Variants in CCDC171 observed in about 807,000 individuals in gnomAD.
CCDC171 encodes the protein coiled-coil domain containing 171.
A neutral mutation model predicts 168.2 loss-of-function variants in CCDC171; 177 were observed. The observed-to-expected ratio is 1.05, with a 90% CI of 0.93 to 1.19. The LOEUF (loss-of-function observed/expected upper bound fraction) is 1.19. Among genes scored for constraint, CCDC171 ranks in the 50% most tolerant of loss-of-function variants. The probability of loss-of-function intolerance (pLI) is 0.00; values close to 1 mark genes in which losing one functional copy is unlikely to be tolerated. For missense variants in CCDC171, 1,991 were observed against 1,539.0 expected (o/e 1.29, Z -4.91); for synonymous variants, 687 against 540.8 (o/e 1.27, Z -3.75).
intron 21 of CCDC171, among the ~76,000 whole-genome samples, chr9:15,839,005 C>G (rs1434916051): frequency 6.6e-6 from 1 of 152,096 alleles, no homozygotes; most frequent in African/African-American, 2.4e-5. Context: ...AAGTCCATTG[C>G]TTTTTGAAAG....
intron 6 of CCDC171, among the ~76,000 whole-genome samples, chr9:15,608,941 T>C (rs2043430583): frequency 3.1e-5 from 1 of 32,168 alleles, no homozygotes; most frequent in Non-Finnish European, 5.8e-5. Flanking sequence ...CAAGACCCTG[T>C]CTCAAAAAAA....
upstream of CCDC171, among the ~76,000 whole-genome samples, chr9:16,042,055 A>G (rs1586854590): frequency 6.6e-6 from 1 of 152,218 alleles, no homozygotes; most frequent in South Asian, 2.1e-4. Context: ...TGTGCATATT[A>G]TAACTGCAAA....
At chr9:15,998,670 C>T (rs1276795738) in intron 3 of CCDC171, among the ~76,000 whole-genome samples, 1 of 152,176 alleles carries the variant, frequency 6.6e-6, no homozygotes, top group Non-Finnish European at 1.5e-5. Context: ...TCAGGCTTGG[C>T]AAGTGGTAGT....
intron 21 of CCDC171, among the ~76,000 whole-genome samples, chr9:15,792,212 A>G (rs914970634): frequency 2.0e-5 from 3 of 152,254 alleles, no homozygotes; most frequent in Non-Finnish European, 4.4e-5. Flanking sequence ...CAACTGGAAG[A>G]AAGGGTATCA....
chr9:15,997,710 A>C (rs1832415814), intron 3 of CCDC171, among the ~76,000 whole-genome samples: 1 of 152,164 alleles, frequency 6.6e-6, no homozygotes, highest in Non-Finnish European at 1.5e-5. Flanking sequence ...GTCTCAGGGA[A>C]TTACCTGGTG....
At chr9:15,773,374 C>T (rs2057114869) in intron 18 of CCDC171, among the ~76,000 whole-genome samples, 2 of 152,194 alleles carry the variant, frequency 1.3e-5, no homozygotes, top group African/African-American at 4.8e-5. Flanking sequence ...CCCACCTCAT[C>T]AAGATCTGCA....
intron 21 of CCDC171, among the ~76,000 whole-genome samples, chr9:15,829,560 T>C (rs148071442): frequency 5.8e-4 from 88 of 152,294 alleles, no homozygotes; most frequent in Middle Eastern, 3.4e-3. Flanking sequence ...TCCCATGTGT[T>C]TTCCCTCTTT....
In CCDC171 at chr9:15,933,887, T is replaced by C. The variant is rs558895509; in HGVS notation, c.3753+13465T>C. On this transcript the variant is annotated intron_variant, in intron 25 of 25. Coordinates refer to ENST00000380701, the MANE Select transcript of CCDC171 (RefSeq NM_173550.4). ...CAGTGGATTCTTATGGATTCTTAGATATGACACCAAAAGGATAAGTGACAA... is the reference window on the plus strand; with the variant it reads ...CAGTGGATTCTTATGGATTCTTAGACATGACACCAAAAGGATAAGTGACAA... Among the ~76,000 whole-genome samples, 10 of 152,114 alleles carry C rather than the reference T, an allele frequency of 6.6e-5. No homozygotes were observed. In the South Asian group the frequency reaches 1.9e-3, roughly 28 times the overall value.
chr9:15,593,053 T>A (rs1198438694), intron 5 of CCDC171, among the ~76,000 whole-genome samples: 3 of 151,680 alleles, frequency 2.0e-5, no homozygotes, highest in Non-Finnish European at 4.4e-5. Context: ...CCCCAGAGTG[T>A]GATGTTCCCC....
intron 3 of CCDC171, among the ~76,000 whole-genome samples, chr9:16,012,380 G>A (rs571116467): frequency 6.6e-6 from 1 of 152,110 alleles, no homozygotes; most frequent in East Asian, 1.9e-4. Flanking sequence ...ACACTCATGA[G>A]CTTTCATTCT....
chr9:16,092,560 A>G, the CCDC171 span, among the ~76,000 whole-genome samples: 44 of 152,268 alleles, frequency 2.9e-4, 1 homozygote, highest in East Asian at 8.1e-3. Flanking sequence ...GTTCTTTGCT[A>G]TATGTCATAG....
intron 10 of CCDC171, among the ~76,000 whole-genome samples, chr9:15,689,413 T>C (rs975712190): frequency 4.6e-5 from 7 of 152,048 alleles, no homozygotes; most frequent in East Asian, 1.9e-4. Flanking sequence ...CTAAAACACA[T>C]ATGGAAATAT....
chr9:15,861,194 C>T (rs962459176), intron 23 of CCDC171, among the ~76,000 whole-genome samples: 2 of 142,566 alleles, frequency 1.4e-5, no homozygotes, highest in Non-Finnish European at 3.0e-5. Flanking sequence ...ATGAGTTTCT[C>T]ATAGACAGCG....
At chr9:16,039,795 G>C (rs778572840), upstream of CCDC171, among the ~76,000 whole-genome samples, 2 of 152,090 alleles carry the variant, frequency 1.3e-5, no homozygotes, top group African/African-American at 4.8e-5. Context: ...CTTGAGCTAC[G>C]TGGGTGTCTG....
intron 3 of CCDC171, among the ~76,000 whole-genome samples, chr9:15,983,392 T>C (rs1030814690): frequency 9.9e-5 from 15 of 152,186 alleles, no homozygotes; most frequent in Admixed American, 2.6e-4. Context: ...TATTTTACTA[T>C]TTTAACTTAT....
chr9:15,628,717 G>A (rs889024897), intron 7 of CCDC171, among the ~76,000 whole-genome samples: 1 of 152,226 alleles, frequency 6.6e-6, no homozygotes, highest in Non-Finnish European at 1.5e-5. Flanking sequence ...AGAATGGGCA[G>A]ACTGCCTCCT....
intron 23 of CCDC171, among the ~76,000 whole-genome samples, chr9:15,866,111 C>T (rs777326250): frequency 5.9e-5 from 9 of 151,858 alleles, no homozygotes; most frequent in Admixed American, 2.0e-4. Flanking sequence ...AGATAAAGCT[C>T]AATGAGGCAG....
chr9:15,913,202 C>T lies in CCDC171; in HGVS notation c.3601-7068C>T, dbSNP rs564066862. On this transcript the variant is annotated intron_variant, in intron 24 of 25. Transcript: ENST00000380701. ...TGGTTGGTAATTACTGCCTCAATTT[C>T]AGAACTTGTTATTGGTCTATTCAGG... is the stretch of plus-strand genomic sequence containing the variant. Among the ~76,000 whole-genome samples, 3 of 152,256 alleles carry T rather than the reference C, an allele frequency of 2.0e-5. No individual in the cohort carries two copies. In the South Asian group the frequency reaches 6.2e-4, roughly 32 times the overall value.
intron 6 of CCDC171, among the ~76,000 whole-genome samples, chr9:15,604,777 G>A (rs2043100059): frequency 6.6e-6 from 1 of 152,152 alleles, no homozygotes; most frequent in African/African-American, 2.4e-5. Flanking sequence ...GTGATGTAGT[G>A]ACAACTCGGA....
Sources: allele counts gnomAD v4.1 joint callset (sites outside exome capture counted in the v4.1 genomes callset), GRCh38; gene constraint gnomAD v4.1.1; transcripts MANE v1.5; gene names NCBI Gene and HGNC (gene_info 2026-07-23, HGNC 2026-07-21).